CRIM1: variants seen among roughly 807,000 people sequenced by gnomAD.
The protein encoded by CRIM1 is cysteine rich transmembrane BMP regulator 1.
CRIM1 carries 32 observed loss-of-function variants against 116.4 expected under a neutral mutation model. The ratio of observed to expected loss-of-function variants is 0.27; its 90% CI spans 0.21 to 0.37. The LOEUF is 0.37. CRIM1 is among the 10% of genes least tolerant of loss of function. The probability of loss-of-function intolerance (pLI) is 1.00; values close to 1 mark genes in which losing one functional copy is unlikely to be tolerated. For missense variants in CRIM1, 1,331 were observed against 1,354.8 expected, an observed-to-expected ratio of 0.98 and a Z score of 0.28; for synonymous variants, 590 against 509.2, an observed-to-expected ratio of 1.16 and a Z score of -2.13.
intron 1 of CRIM1, among the ~76,000 whole-genome samples, chr2:36,360,692 G>T (rs921784298): frequency 6.6e-6 from 1 of 152,130 alleles, no homozygotes; most frequent in Non-Finnish European, 1.5e-5. Context: ...CAGAAAGCAG[G>T]CTGCAGGAGG....
At chr2:36,529,497 T>G (rs1370886105) in intron 13 of CRIM1, 1 of 220,324 alleles carries the variant, frequency 4.5e-6, no homozygotes, top group Non-Finnish European at 9.3e-6. Context: ...ATTTTTATAT[T>G]TCCAAAATGA....
At chr2:36,472,508 A>G (rs1678607618) in intron 5 of CRIM1, among the ~76,000 whole-genome samples, 1 of 152,110 alleles carries the variant, frequency 6.6e-6, no homozygotes, top group Non-Finnish European at 1.5e-5. Context: ...AGTGAAACCT[A>G]AGTGCCACAG....
intron 7 of CRIM1, 63 bp downstream of exon 7, chr2:36,479,757 G>A: frequency 6.7e-7 from 1 of 1,497,368 alleles, no homozygotes. Flanking sequence ...GCTTCTACCA[G>A]CGTACGTTCT....
At chr2:36,424,169 G>A (rs1456549200) in intron 2 of CRIM1, among the ~76,000 whole-genome samples, 1 of 152,168 alleles carries the variant, frequency 6.6e-6, no homozygotes, top group Non-Finnish European at 1.5e-5. Flanking sequence ...TGATATAAGT[G>A]TAAATAATTA....
At position 36,509,963 on chromosome 2, in the gene CRIM1, C is replaced by T. The variant is rs777900599; in HGVS notation, c.1502-20C>T. The T allele has an allele frequency of 4.4e-6, 7 of 1,607,860 alleles. 1 individual carries two copies. In the African/African-American group the frequency reaches 6.7e-5, roughly 15 times the overall value. ...TCTGTTCATCTTTGGAAGAAACATG[C>T]CGTCTCTGTGTCTTCACAGCCGAGG... is the stretch of plus-strand genomic sequence containing the variant. On this transcript the variant is annotated intron_variant, in intron 8 of 16. Coordinates refer to ENST00000280527, the MANE Select transcript of CRIM1 (RefSeq NM_016441.3).
At chr2:36,370,822 A>T (rs1385490909) in intron 1 of CRIM1, among the ~76,000 whole-genome samples, 1 of 152,156 alleles carries the variant, frequency 6.6e-6, no homozygotes, top group African/African-American at 2.4e-5. Context: ...ATGCATAGTT[A>T]TTCCCCCTCT....
chr2:36,548,483 C>A (rs201692790), intron 16 of CRIM1, 42 bp from the exon 17 acceptor site: 59 of 1,457,016 alleles, frequency 4.0e-5, no homozygotes, highest in Non-Finnish European at 5.0e-5. Context: ...TAATGTAAAG[C>A]AACTAATTTT....
chr2:36,424,847 T>C (rs564731671), intron 2 of CRIM1, among the ~76,000 whole-genome samples: 1 of 152,314 alleles, frequency 6.6e-6, no homozygotes, highest in East Asian at 1.9e-4. Flanking sequence ...TATTAAATTA[T>C]CATATGTACC....
At chr2:36,522,003 C>T in intron 12 of CRIM1, 89 bp from the exon 13 acceptor site, 4 of 1,070,020 alleles carry the variant, frequency 3.7e-6, no homozygotes, top group Non-Finnish European at 5.8e-6. Context: ...CGAAAGCCAT[C>T]ATGACTGGGT....
intron 12 of CRIM1, among the ~76,000 whole-genome samples, chr2:36,520,649 A>C (rs1197121205): frequency 6.6e-6 from 1 of 152,114 alleles, no homozygotes; most frequent in Non-Finnish European, 1.5e-5. Context: ...AGATACAGTT[A>C]CTCAGTTTAA....
chr2:36,443,405 T>G (rs920521630), intron 4 of CRIM1, among the ~76,000 whole-genome samples: 3 of 152,186 alleles, frequency 2.0e-5, no homozygotes, highest in African/African-American at 7.2e-5. Context: ...CGTACTTGGC[T>G]TTGGGGAAGA....
At chr2:36,537,288 C>A in intron 13 of CRIM1, 64 bp from the exon 14 acceptor site, 2 of 1,436,872 alleles carry the variant, frequency 1.4e-6, no homozygotes, top group Non-Finnish European at 1.9e-6. Context: ...TGATCTCTCA[C>A]GTCTAATAAG....
chr2:36,499,197 T>C (rs1680812269), intron 7 of CRIM1, 22 bp from the exon 8 acceptor site: 6 of 1,589,370 alleles, frequency 3.8e-6, no homozygotes, highest in East Asian at 2.2e-5. Context: ...CATTGGTTAT[T>C]TTTTTCTCTA....
At chr2:36,407,798 A>G (rs1359039452) in intron 2 of CRIM1, among the ~76,000 whole-genome samples, 1 of 152,122 alleles carries the variant, frequency 6.6e-6, no homozygotes, top group Non-Finnish European at 1.5e-5. Flanking sequence ...ATTCCTACAC[A>G]TTAGGTTACA....
chr2:36,375,110 A>T (rs73922894), intron 1 of CRIM1, among the ~76,000 whole-genome samples: 19 of 148,812 alleles, frequency 1.3e-4, no homozygotes, highest in African/African-American at 4.6e-4. Context: ...TGAATTTGCA[A>T]CTTGTATGCT....
intron 14 of CRIM1, among the ~76,000 whole-genome samples, chr2:36,542,359 C>G (rs1160347152): frequency 6.6e-6 from 1 of 152,228 alleles, no homozygotes; most frequent in African/African-American, 2.4e-5. Context: ...ACAGATCCTT[C>G]TAACTTTCCC....
intron 1 of CRIM1, among the ~76,000 whole-genome samples, chr2:36,390,395 T>G (rs1219558588): frequency 6.6e-6 from 1 of 152,234 alleles, no homozygotes; most frequent in Non-Finnish European, 1.5e-5. Context: ...GAGCTGTCCC[T>G]GGCATTTATT....
chr2:36,487,409 A>G (rs1044675544), intron 7 of CRIM1, among the ~76,000 whole-genome samples: 1 of 152,188 alleles, frequency 6.6e-6, no homozygotes, highest in Non-Finnish European at 1.5e-5. Context: ...GGATACAGTC[A>G]TTCAGAATAT....
At chr2:36,400,573 G>C (rs116597647) in intron 2 of CRIM1, among the ~76,000 whole-genome samples, 1,667 of 152,284 alleles carry the variant, frequency 0.011, 32 homozygotes, top group African/African-American at 0.037. Context: ...TTAAGTAGCA[G>C]TGAGAACAAA....
Sources: allele counts gnomAD v4.1 joint callset (sites outside exome capture counted in the v4.1 genomes callset), GRCh38; gene constraint gnomAD v4.1.1; transcripts MANE v1.5; gene names NCBI Gene and HGNC (gene_info 2026-07-23, HGNC 2026-07-21).